Variants in RELN observed in about 807,000 individuals in gnomAD.
RELN encodes reelin.
In RELN, 108 loss-of-function variants were observed where a neutral mutation model predicts 427.6. That is an observed-to-expected ratio of 0.25 (90% CI 0.22 to 0.30). The LOEUF is 0.30. Ranked by LOEUF, RELN falls within the 10% of genes least tolerant of loss-of-function variation. The pLI, the probability that RELN is intolerant of heterozygous loss-of-function variation, is 1.00. For missense variants in RELN, 3,715 were observed against 4,302.8 expected, an observed-to-expected ratio of 0.86 and a Z score of 3.82; for synonymous variants, 1,524 against 1,513.4, an observed-to-expected ratio of 1.01 and a Z score of -0.16.
intron 2 of RELN, among the ~76,000 whole-genome samples, chr7:103,865,824 T>A (rs373114164): frequency 2.6e-5 from 4 of 152,288 alleles, no homozygotes; most frequent in African/African-American, 9.6e-5. Flanking sequence ...AAGCTTTTGC[T>A]CTAAGATCGG....
intron 27 of RELN, among the ~76,000 whole-genome samples, chr7:103,593,206 C>G (rs867040475): frequency 1.3e-5 from 2 of 152,064 alleles, no homozygotes; most frequent in South Asian, 4.1e-4. Flanking sequence ...TATCACAGAG[C>G]TGAAAAACAA....
intron 50 of RELN, 97 bp downstream of exon 50, chr7:103,515,088 A>G: frequency 1.4e-6 from 2 of 1,458,742 alleles, no homozygotes; most frequent in East Asian, 2.3e-5. Context: ...CCACTGGAAC[A>G]TCTGAAAAGG....
chr7:103,978,580 G>A (rs909027188), intron 1 of RELN, among the ~76,000 whole-genome samples: 1 of 152,176 alleles, frequency 6.6e-6, no homozygotes, highest in Non-Finnish European at 1.5e-5. Flanking sequence ...AACTTGTTCG[G>A]ATGAGCAAAA....
chr7:103,933,470 G>A (rs972741997), intron 1 of RELN, among the ~76,000 whole-genome samples: 4 of 125,224 alleles, frequency 3.2e-5, no homozygotes, highest in Non-Finnish European at 6.4e-5. Context: ...CAAGGCAGGA[G>A]TATCACTTGA....
At chr7:103,734,468 A>G (rs1790441507) in intron 6 of RELN, among the ~76,000 whole-genome samples, 1 of 152,192 alleles carries the variant, frequency 6.6e-6, no homozygotes, top group Non-Finnish European at 1.5e-5. Context: ...CACCTCAAAA[A>G]TATATTTTGC....
At chr7:103,652,903 A>G in intron 13 of RELN, 144 bp from the exon 14 acceptor site, 1 of 746,822 alleles carries the variant, frequency 1.3e-6, no homozygotes, top group Non-Finnish European at 2.3e-6. Flanking sequence ...TGCATTTGTT[A>G]TTTCATGAAG....
chr7:103,579,790 T>C (rs1261062324), intron 28 of RELN, among the ~76,000 whole-genome samples: 1 of 152,194 alleles, frequency 6.6e-6, no homozygotes, highest in Non-Finnish European at 1.5e-5. Flanking sequence ...ACTGTACCCT[T>C]CCATCACCAC....
chr7:103,477,246 A>T (rs1828068446), intron 64 of RELN, among the ~76,000 whole-genome samples: 1 of 152,194 alleles, frequency 6.6e-6, no homozygotes, highest in Admixed American at 6.5e-5. Context: ...TGCTCTTTTG[A>T]ACTGTTACTC....
chr7:103,720,871 T>C (rs747490639), intron 8 of RELN, among the ~76,000 whole-genome samples: 1 of 152,134 alleles, frequency 6.6e-6, no homozygotes. Flanking sequence ...GATAATGAGA[T>C]ACACAAAACA....
intron 2 of RELN, among the ~76,000 whole-genome samples, chr7:103,855,942 G>T (rs1192982806): frequency 3.3e-5 from 5 of 152,050 alleles, no homozygotes; most frequent in Admixed American, 3.3e-4. Flanking sequence ...GAAGTACTAG[G>T]GGTCAGGACT....
chr7:103,631,351 T>C (rs1461362034), intron 19 of RELN, among the ~76,000 whole-genome samples: 2 of 129,120 alleles, frequency 1.5e-5, no homozygotes, highest in Non-Finnish European at 3.1e-5. Context: ...TGGAGTGCAA[T>C]GGCACAATCT....
chr7:103,938,344 TA>T (rs1487285992), intron 1 of RELN, among the ~76,000 whole-genome samples: 3 of 152,158 alleles, frequency 2.0e-5, no homozygotes, highest in Admixed American at 2.0e-4. Context: ...TAAGGCTTCC[TA>T]TATTGTGTCT....
intron 6 of RELN, among the ~76,000 whole-genome samples, chr7:103,742,526 C>T (rs1205131486): frequency 2.0e-5 from 3 of 152,074 alleles, no homozygotes; most frequent in Non-Finnish European, 4.4e-5. Flanking sequence ...GAAAAAAAAT[C>T]AGACGAATGG....
intron 11 of RELN, among the ~76,000 whole-genome samples, chr7:103,669,901 A>G (rs1833353735): frequency 6.6e-6 from 1 of 152,134 alleles, no homozygotes; most frequent in Non-Finnish European, 1.5e-5. Flanking sequence ...AGTGGTATCT[A>G]TTATTTATTA....
Position 103,645,992 on chromosome 7 carries a change from C to T in RELN, c.2002+4282G>A, listed in dbSNP as rs533921204. 4.3e-4 allele frequency among the ~76,000 whole-genome samples: 65 copies of T among 151,812 alleles called. 1 individual carries two copies. In the South Asian group the frequency reaches 0.013, roughly 31 times the overall value. On this transcript the variant is annotated intron_variant, in intron 16 of 64. Transcript: ENST00000428762. ...AATTCTAAGGGAAACTCTTAAATTA[C>T]ACAAATACATGAAAATTAAACAACC...
Position 103,563,659 on chromosome 7 carries a change from G to A in RELN, c.5210+1619C>T, listed in dbSNP as rs1045189682. 3.3e-5 allele frequency among the ~76,000 whole-genome samples: 5 copies of A among 152,044 alleles called. No individual in the cohort carries two copies. Among genetic ancestry groups the A allele is most frequent in the Non-Finnish European group, 7.4e-5 (5 of 68,010 alleles). Reference sequence around the variant, plus strand: ...ATAGTAGTGTACAGTAATATTCTAGGCCTTCACATTCACTCACCACTCACT... The same window carrying A: ...ATAGTAGTGTACAGTAATATTCTAGACCTTCACATTCACTCACCACTCACT... On this transcript the variant is annotated intron_variant, in intron 34 of 64. Coordinates refer to ENST00000428762, the MANE Select transcript of RELN (RefSeq NM_005045.4). The surrounding 1 kb of genome is among the most constrained non-coding windows in gnomAD (Gnocchi z 4.1).
intron 10 of RELN, among the ~76,000 whole-genome samples, chr7:103,683,964 T>C (rs1833708491): frequency 6.6e-6 from 1 of 152,170 alleles, no homozygotes; most frequent in Non-Finnish European, 1.5e-5. Flanking sequence ...GATCAAGATA[T>C]GATTTCTACC....
At chr7:103,617,978 G>T (rs1203856900) in intron 20 of RELN, among the ~76,000 whole-genome samples, 1 of 152,026 alleles carries the variant, frequency 6.6e-6, no homozygotes, top group Non-Finnish European at 1.5e-5. Context: ...TTCTCCTTCT[G>T]CCAGGAGTGG....
chr7:103,733,724 G>C (rs1179395236), intron 6 of RELN, among the ~76,000 whole-genome samples: 5 of 146,804 alleles, frequency 3.4e-5, no homozygotes, highest in Non-Finnish European at 6.0e-5. Flanking sequence ...CTCACTCATA[G>C]GTGGGAATTG....
Sources: gnomAD v4.1 joint callset for allele counts (sites outside exome capture counted in the v4.1 genomes callset) on GRCh38, gnomAD v4.1.1 for gene constraint, Gnocchi (gnomAD v3.1) non-coding constraint, MANE v1.5 for transcripts, NCBI Gene and HGNC (gene_info 2026-07-23, HGNC 2026-07-21) for gene names.